The following SAMD12 variants were observed in gnomAD, a reference collection of about 807,000 sequenced individuals.
The protein encoded by SAMD12 is sterile alpha motif domain-containing protein 12.
In SAMD12, 9 loss-of-function variants were observed where a neutral mutation model predicts 15.0. The observed-to-expected ratio is 0.60, with a 90% CI of 0.36 to 1.05. SAMD12 has a LOEUF of 1.05. Ranked by LOEUF, SAMD12 falls within the 50% of genes least tolerant of loss-of-function variation. The pLI is 0.01. For missense variants in SAMD12, 230 were observed against 234.2 expected (o/e 0.98, Z 0.12); for synonymous variants, 86 against 90.1 (o/e 0.96, Z 0.25).
rs573892309 is a variant in SAMD12, at chr8:118,359,819, C to G, written c.433+19741G>C. Among the ~76,000 whole-genome samples the G allele has an allele frequency of 1.1e-4, 17 of 152,272 alleles. No homozygotes were observed. In the South Asian group the frequency reaches 3.5e-3, roughly 32 times the overall value. On this transcript the variant is annotated intron_variant, in intron 4 of 4. Transcript: ENST00000409003. ...ACATATAATAAATGATAGTGATTATCACTGATGTTGCTATTTGCCCTGGCC... is the reference window on the plus strand; with the variant it reads ...ACATATAATAAATGATAGTGATTATGACTGATGTTGCTATTTGCCCTGGCC...
At chr8:118,452,981 C>T (rs759059605) in intron 2 of SAMD12, among the ~76,000 whole-genome samples, 1 of 152,170 alleles carries the variant, frequency 6.6e-6, no homozygotes, top group African/African-American at 2.4e-5. Context: ...ATGCTAGCTT[C>T]CTCCTCTTGT....
chr8:118,614,258 TTAAGAGCTTCCCTTATAC>T (rs1160238002), intron 1 of SAMD12, among the ~76,000 whole-genome samples: 2 of 152,234 alleles, frequency 1.3e-5, no homozygotes, highest in Non-Finnish European at 2.9e-5. Context: ...AAACCAGGTC[TTAAGAGCTTCCCTTATAC>T]TAATTTAACC....
chr8:118,508,247 G>A (rs1824978562), intron 2 of SAMD12, among the ~76,000 whole-genome samples: 1 of 149,762 alleles, frequency 6.7e-6, no homozygotes, highest in Admixed American at 6.7e-5. Context: ...GTGGGGTCGG[G>A]GGAGGGATAG....
downstream of SAMD12, among the ~76,000 whole-genome samples, chr8:118,377,436 A>G (rs551624858): frequency 5.9e-5 from 9 of 152,230 alleles, no homozygotes; most frequent in Non-Finnish European, 1.2e-4. Flanking sequence ...TATGTAAAGA[A>G]CAAGCAATAA....
chr8:118,269,440 C>T (rs149678345), intron 4 of SAMD12, among the ~76,000 whole-genome samples: 1 of 151,928 alleles, frequency 6.6e-6, no homozygotes, highest in Non-Finnish European at 1.5e-5. Context: ...GAAAATGAGG[C>T]CCATTCTGCT....
chr8:118,542,158 C>A (rs1186215873), intron 2 of SAMD12, among the ~76,000 whole-genome samples: 1 of 152,084 alleles, frequency 6.6e-6, no homozygotes, highest in Admixed American at 6.6e-5. Context: ...AATAGGCCAC[C>A]CTGGCTGCAT....
At chr8:118,336,473 A>G (rs1309844299) in intron 4 of SAMD12, among the ~76,000 whole-genome samples, 1 of 152,104 alleles carries the variant, frequency 6.6e-6, no homozygotes. Flanking sequence ...TACTGTCTCC[A>G]TTTGAAATTT....
chr8:118,225,807 A>G (rs1460688546), intron 4 of SAMD12, among the ~76,000 whole-genome samples: 1 of 152,176 alleles, frequency 6.6e-6, no homozygotes, highest in African/African-American at 2.4e-5. Flanking sequence ...TCAGCATATG[A>G]CCTTGAACTT....
chr8:118,403,831 C>CA (rs1242144355), intron 3 of SAMD12, among the ~76,000 whole-genome samples: 1 of 152,022 alleles, frequency 6.6e-6, no homozygotes, highest in Non-Finnish European at 1.5e-5. Flanking sequence ...CATCCTTGTA[C>CA]AAAAAAGAGC....
chr8:118,246,861 A>C (rs191751131), intron 4 of SAMD12, among the ~76,000 whole-genome samples: 1 of 152,242 alleles, frequency 6.6e-6, no homozygotes, highest in East Asian at 1.9e-4. Flanking sequence ...AGAGGTTCAA[A>C]GGCAGAAACT....
intron 2 of SAMD12, among the ~76,000 whole-genome samples, chr8:118,448,026 C>T (rs940606832): frequency 2.6e-5 from 4 of 152,162 alleles, no homozygotes; most frequent in Non-Finnish European, 5.9e-5. Context: ...CCGCGCCCAG[C>T]CTCTTTGATG....
chr8:118,340,103 C>T (rs996874462), intron 4 of SAMD12, among the ~76,000 whole-genome samples: 4 of 152,230 alleles, frequency 2.6e-5, no homozygotes, highest in Non-Finnish European at 5.9e-5. Flanking sequence ...GAATAAGGCA[C>T]AGGCTTCAAC....
chr8:118,274,265 T>TAAGA (rs1813426270), intron 4 of SAMD12, among the ~76,000 whole-genome samples: 1 of 151,896 alleles, frequency 6.6e-6, no homozygotes, highest in Admixed American at 6.6e-5. Flanking sequence ...GTCAAATTCT[T>TAAGA]ATTTGACCAA....
the SAMD12 span, among the ~76,000 whole-genome samples, chr8:118,179,439 GAA>G: frequency 2.8e-4 from 26 of 92,248 alleles, no homozygotes; most frequent in Non-Finnish European, 2.7e-4. Context: ...CTCCGTCTCC[GAA>G]AAAAAAAAAA....
intron 4 of SAMD12, among the ~76,000 whole-genome samples, chr8:118,326,132 C>T (rs1816553180): frequency 6.6e-6 from 1 of 152,136 alleles, no homozygotes; most frequent in Non-Finnish European, 1.5e-5. Context: ...CCCTGCTCCA[C>T]TGTTGAATTG....
chr8:118,456,086 C>T (rs925784791), intron 2 of SAMD12, among the ~76,000 whole-genome samples: 2 of 152,162 alleles, frequency 1.3e-5, no homozygotes, highest in Non-Finnish European at 1.5e-5. Flanking sequence ...TAATAAAATC[C>T]AAACTCCAAG....
intron 4 of SAMD12, among the ~76,000 whole-genome samples, chr8:118,328,766 A>T (rs561562727): frequency 6.6e-6 from 1 of 152,278 alleles, no homozygotes; most frequent in Admixed American, 6.5e-5. Flanking sequence ...TGTAGGTATT[A>T]TGGTATGCAC....
chr8:118,439,286 A>C (rs976123336), intron 3 of SAMD12, among the ~76,000 whole-genome samples: 1 of 152,178 alleles, frequency 6.6e-6, no homozygotes, highest in African/African-American at 2.4e-5. Context: ...AACTTGGAAC[A>C]TTGCTAGGTG....
At chr8:118,214,821 C>T (rs190320117) in intron 4 of SAMD12, among the ~76,000 whole-genome samples, 9 of 152,260 alleles carry the variant, frequency 5.9e-5, no homozygotes, top group Non-Finnish European at 1.3e-4. Flanking sequence ...CTACAGAAAT[C>T]AGTGGCTTAG....
Sources: gnomAD v4.1 joint callset for allele counts (sites outside exome capture counted in the v4.1 genomes callset) on GRCh38, gnomAD v4.1.1 for gene constraint, MANE v1.5 for transcripts, NCBI Gene and HGNC (gene_info 2026-07-23, HGNC 2026-07-21) for gene names.